The following LIMCH1 variants were observed in gnomAD, a reference collection of about 807,000 sequenced individuals.
The protein encoded by LIMCH1 is LIM and calponin homology domains 1.
In LIMCH1, 113 loss-of-function variants were observed where a neutral mutation model predicts 176.5. The ratio of observed to expected loss-of-function variants is 0.64; its 90% CI spans 0.55 to 0.75. The LOEUF (loss-of-function observed/expected upper bound fraction) is 0.75. Among genes scored for constraint, LIMCH1 ranks in the 30% least tolerant of loss-of-function variants. The pLI is 0.00. For synonymous variants in LIMCH1, 619 were observed against 645.9 expected, an observed-to-expected ratio of 0.96 and a Z score of 0.63; for missense variants, 1,674 against 1,814.9, an observed-to-expected ratio of 0.92 and a Z score of 1.41.
intron 1 of LIMCH1, among the ~76,000 whole-genome samples, chr4:41,473,710 T>C (rs1363557898): frequency 6.6e-6 from 1 of 152,180 alleles, no homozygotes; most frequent in African/African-American, 2.4e-5. Context: ...CAAATGAGAT[T>C]GCATCAAACT....
chr4:41,626,577 G>A, intron 7 of LIMCH1, 131 bp from the exon 8 acceptor site: 3 of 770,852 alleles, frequency 3.9e-6, no homozygotes, highest in South Asian at 1.9e-5. Flanking sequence ...CTGAAATAAT[G>A]AACAGATGTC....
chr4:41,661,869 A>G (rs1249694357), intron 19 of LIMCH1: 2 of 386,462 alleles, frequency 5.2e-6, no homozygotes, highest in African/African-American at 2.1e-5. Context: ...GGTCAAAAAC[A>G]TAAAAATAGA....
At chr4:41,671,045 A>AG in intron 21 of LIMCH1, 1 of 888,012 alleles carries the variant, frequency 1.1e-6, no homozygotes, top group South Asian at 5.2e-5. Context: ...TTTTCTTGAG[A>AG]GTCCCCTGCC....
At chr4:41,695,729 TAA>T (rs1307496104) in intron 31 of LIMCH1, among the ~76,000 whole-genome samples, 1 of 152,142 alleles carries the variant, frequency 6.6e-6, no homozygotes, top group Non-Finnish European at 1.5e-5. Context: ...TAATTTCAAT[TAA>T]GTTAACTCAT....
intron 1 of LIMCH1, among the ~76,000 whole-genome samples, chr4:41,488,837 A>G (rs9684090): frequency 0.15 from 22,490 of 152,182 alleles, 2,345 homozygotes; most frequent in African/African-American, 0.29. Context: ...ATACTAACCT[A>G]TTAAAATGAA....
At chr4:41,487,028 A>ATG (rs1478311446) in intron 1 of LIMCH1, among the ~76,000 whole-genome samples, 1 of 151,784 alleles carries the variant, frequency 6.6e-6, no homozygotes, top group East Asian at 1.9e-4. Context: ...GTACATATAT[A>ATG]TATTGTATTT....
At position 41,697,200 on chromosome 4, in the gene LIMCH1, T is replaced by G. The variant is rs1401421090; in HGVS notation, c.*15T>G. 1 of 1,613,298 alleles carries G rather than the reference T, an allele frequency of 6.2e-7. No individual in the cohort carries two copies. Among genetic ancestry groups the G allele is most frequent in the Admixed American group, 1.7e-5 (1 of 60,004 alleles). On this transcript the variant is annotated 3_prime_UTR_variant, in exon 32 of 32. Coordinates refer to ENST00000503057, the MANE Select transcript of LIMCH1 (RefSeq NM_001330672.2). ...CAACATTGTGACACGGCTTTCAAGC[T>G]TCCGGATCACTCACCATTTCTTTAC...
chr4:41,502,774 G>A (rs1183335089), intron 2 of LIMCH1, among the ~76,000 whole-genome samples: 1 of 151,816 alleles, frequency 6.6e-6, no homozygotes, highest in Non-Finnish European at 1.5e-5. Flanking sequence ...GGTTTTTTTG[G>A]TGGTCGGGTT....
intron 1 of LIMCH1, among the ~76,000 whole-genome samples, chr4:41,546,564 T>A (rs907740418): frequency 1.3e-5 from 2 of 152,114 alleles, no homozygotes; most frequent in Non-Finnish European, 2.9e-5. Context: ...TTTATTCTTT[T>A]TTAGCCCCAT....
chr4:41,615,324 G>A lies in LIMCH1; in HGVS notation c.205+1663G>A, dbSNP rs185801683. On this transcript the variant is annotated intron_variant, in intron 5 of 31. Transcript: ENST00000503057. ...GCTTTGGGGGGTTCAGAGTTTAAAC[G>A]AATCACATCTTGAAGGGATTGGAGG... 1.4e-3 allele frequency among the ~76,000 whole-genome samples: 209 copies of A among 152,180 alleles called. 1 individual carries two copies. Among genetic ancestry groups the A allele is most frequent in the African/African-American group, 4.7e-3 (197 of 41,540 alleles).
chr4:41,561,320 A>C (rs1203466975), intron 1 of LIMCH1, among the ~76,000 whole-genome samples: 2 of 152,160 alleles, frequency 1.3e-5, no homozygotes, highest in East Asian at 3.8e-4. Context: ...CCAGAACTGC[A>C]TGGATTTTTC....
rs1026258095 is a variant in LIMCH1, at chr4:41,648,867, T to TA, written c.2821-1516dup. Among the ~76,000 whole-genome samples the TA allele has an allele frequency of 1.4e-4, 21 of 144,966 alleles. 1 individual carries two copies. Among genetic ancestry groups the TA allele is most frequent in the Middle Eastern group, 3.5e-3 (1 of 286 alleles). ...TCAGTTTAGTGGTTTGAAGCCAATA[T>TA]AAAAAAAAAAGAACTAGAATAGAAT... On this transcript the variant is annotated intron_variant, in intron 17 of 31. Coordinates refer to ENST00000503057, the MANE Select transcript of LIMCH1 (RefSeq NM_001330672.2).
chr4:41,490,579 A>G (rs981731256), intron 1 of LIMCH1, among the ~76,000 whole-genome samples: 1 of 152,180 alleles, frequency 6.6e-6, no homozygotes, highest in Non-Finnish European at 1.5e-5. Context: ...CATGTTTCAG[A>G]GAGCACGGGG....
chr4:41,418,527 A>C (rs908365942), intron 1 of LIMCH1, among the ~76,000 whole-genome samples: 10 of 152,222 alleles, frequency 6.6e-5, no homozygotes, highest in African/African-American at 2.2e-4. Flanking sequence ...CCCACAGCCA[A>C]GAGCTGTGCC....
intron 1 of LIMCH1, among the ~76,000 whole-genome samples, chr4:41,562,029 G>A (rs2082133768): frequency 6.6e-6 from 1 of 152,080 alleles, no homozygotes; most frequent in South Asian, 2.1e-4. Flanking sequence ...TGGGTTTGGG[G>A]CTTTATTTTG....
chr4:41,661,532 T>G, intron 19 of LIMCH1, 22 bp downstream of exon 19: 1 of 1,463,138 alleles, frequency 6.8e-7, no homozygotes. Context: ...AAGAGACTAG[T>G]TTTAAGGCAA....
chr4:41,484,872 A>G (rs574482309), intron 1 of LIMCH1, among the ~76,000 whole-genome samples: 70 of 152,334 alleles, frequency 4.6e-4, no homozygotes, highest in Non-Finnish European at 8.4e-4. Flanking sequence ...AGTGGACTGT[A>G]GTTTGTCTAC....
At chr4:41,545,532 T>A (rs991829210) in intron 1 of LIMCH1, among the ~76,000 whole-genome samples, 2 of 152,238 alleles carry the variant, frequency 1.3e-5, no homozygotes, top group South Asian at 4.1e-4. Context: ...GCAGTTACCC[T>A]ATTATCTGGC....
intron 1 of LIMCH1, among the ~76,000 whole-genome samples, chr4:41,478,348 G>C (rs2068060639): frequency 6.6e-6 from 1 of 152,080 alleles, no homozygotes; most frequent in Non-Finnish European, 1.5e-5. Context: ...TCACTTCCTT[G>C]CTTTTCTTTA....
Sources: gnomAD v4.1 joint callset for allele counts (sites outside exome capture counted in the v4.1 genomes callset) on GRCh38, gnomAD v4.1.1 for gene constraint, MANE v1.5 for transcripts, NCBI Gene and HGNC (gene_info 2026-07-23, HGNC 2026-07-21) for gene names.